The following PPP1R36 variants were observed in gnomAD, a reference collection of about 807,000 sequenced individuals.
The protein encoded by PPP1R36 is protein phosphatase 1 regulatory subunit 36, also known as chromosome 14 open reading frame 50.
A neutral mutation model predicts 53.4 loss-of-function variants in PPP1R36; 47 were observed. The observed-to-expected ratio is 0.88, with a 90% CI of 0.70 to 1.12. The LOEUF is 1.12. Ranked by LOEUF, PPP1R36 falls within the 50% of genes most tolerant of loss-of-function variation. The probability of loss-of-function intolerance (pLI) is 0.00; values close to 1 mark genes in which losing one functional copy is unlikely to be tolerated. For missense variants in PPP1R36, 456 were observed against 513.9 expected (o/e 0.89, Z 1.09); for synonymous variants, 153 against 170.5 (o/e 0.90, Z 0.80).
chr14:64,587,029 T>C, intron 9 of PPP1R36, 150 bp downstream of exon 9: 1 of 805,198 alleles, frequency 1.2e-6, no homozygotes, highest in South Asian at 1.8e-5. Flanking sequence ...GTTGGTCTGA[T>C]TTTCCTCATG....
At chr14:64,553,665 T>A (rs998932182) in intron 3 of PPP1R36, among the ~76,000 whole-genome samples, 2 of 151,986 alleles carry the variant, frequency 1.3e-5, no homozygotes, top group Non-Finnish European at 2.9e-5. Flanking sequence ...GGTTATCAAC[T>A]GGTAGCAGTG....
At chr14:64,588,747 A>G (rs1264543532) in intron 11 of PPP1R36, among the ~76,000 whole-genome samples, 1 of 151,674 alleles carries the variant, frequency 6.6e-6, no homozygotes, top group Non-Finnish European at 1.5e-5. Context: ...TTTAGTAGAG[A>G]TGGGGTTTCT....
intron 3 of PPP1R36, among the ~76,000 whole-genome samples, chr14:64,557,585 T>C (rs2080166429): frequency 6.6e-6 from 1 of 152,228 alleles, no homozygotes; most frequent in African/African-American, 2.4e-5. Flanking sequence ...AATCAGTCTT[T>C]AAAATAAGGT....
intron 8 of PPP1R36, among the ~76,000 whole-genome samples, chr14:64,575,484 T>TA (rs147560312): frequency 0.054 from 8,173 of 152,312 alleles, 297 homozygotes; most frequent in Non-Finnish European, 0.083. Context: ...TACATTTGCA[T>TA]AATTTTAGTT....
chr14:64,585,910 T>C (rs1005869999), intron 8 of PPP1R36, among the ~76,000 whole-genome samples: 1 of 152,136 alleles, frequency 6.6e-6, no homozygotes, highest in African/African-American at 2.4e-5. Flanking sequence ...GGAGGCCATG[T>C]TCACTAATTG....
intron 3 of PPP1R36, among the ~76,000 whole-genome samples, chr14:64,554,343 G>T (rs2080128235): frequency 6.6e-6 from 1 of 151,738 alleles, no homozygotes; most frequent in Non-Finnish European, 1.5e-5. Flanking sequence ...TAGAGACAGG[G>T]TTTCTCCATG....
intron 1 of PPP1R36, chr14:64,550,358 C>CG: frequency 9.6e-7 from 1 of 1,043,028 alleles, no homozygotes; most frequent in Non-Finnish European, 1.2e-6. Flanking sequence ...AGACCTACTG[C>CG]GGGGGAAGCA....
chr14:64,588,377 A>T (rs554514560), intron 11 of PPP1R36, 82 bp downstream of exon 11: 36 of 1,251,210 alleles, frequency 2.9e-5, no homozygotes, highest in Non-Finnish European at 3.9e-5. Flanking sequence ...CCCAGGCACC[A>T]TGCCTCTGCC....
intron 8 of PPP1R36, among the ~76,000 whole-genome samples, chr14:64,581,986 G>A (rs1051482463): frequency 4.6e-5 from 7 of 152,114 alleles, no homozygotes; most frequent in Admixed American, 3.9e-4. Flanking sequence ...CTCCACCCCC[G>A]CCTCTACGCT....
intron 8 of PPP1R36, among the ~76,000 whole-genome samples, chr14:64,577,818 C>T (rs983929555): frequency 2.7e-4 from 38 of 139,682 alleles, no homozygotes; most frequent in Non-Finnish European, 1.7e-4. Context: ...CTCTGCCTTC[C>T]GGGTTCACGC....
chr14:64,564,738 A>AT lies in PPP1R36; in HGVS notation c.183-8dup. 1.9e-6 allele frequency: 3 copies of AT among 1,592,712 alleles called. No individual in the cohort carries two copies. The highest frequency in any genetic ancestry group is 2.6e-6 in the Non-Finnish European group (3 of 1,167,610). Reference sequence around the variant, plus strand: ...AAAAGGTGAAGTCCCTAATTATCTCATTTTTATTGCAGTTTTACACCTGCA... The same window carrying AT: ...AAAAGGTGAAGTCCCTAATTATCTCATTTTTTATTGCAGTTTTACACCTGCA... On this transcript the variant is annotated splice_polypyrimidine_tract_variant and intron_variant, in intron 3 of 11. Transcript: ENST00000298705.
chr14:64,588,557 T>A, intron 11 of PPP1R36: 1 of 204,508 alleles, frequency 4.9e-6, no homozygotes, highest in Non-Finnish European at 9.2e-6. Flanking sequence ...AGTAACTGAT[T>A]TTTTTTTTTT....
intron 8 of PPP1R36, among the ~76,000 whole-genome samples, chr14:64,583,244 A>C (rs1391843910): frequency 6.6e-6 from 1 of 151,628 alleles, no homozygotes; most frequent in East Asian, 1.9e-4. Flanking sequence ...ATAAATTTTT[A>C]AATTTATAAT....
At chr14:64,586,225 G>C (rs577189745) in intron 8 of PPP1R36, 3 of 152,204 alleles carry the variant, frequency 2.0e-5, no homozygotes, top group African/African-American at 7.2e-5. Flanking sequence ...CACGCACCTC[G>C]GCCTCCCAAA....
At chr14:64,586,702 T>G in intron 8 of PPP1R36, 135 bp from the exon 9 acceptor site, 1 of 592,012 alleles carries the variant, frequency 1.7e-6, no homozygotes, top group Non-Finnish European at 3.0e-6. Context: ...ATCAATGCCT[T>G]TTGATAGCAT....
chr14:64,571,107 G>A (rs935151449), intron 7 of PPP1R36, among the ~76,000 whole-genome samples: 7 of 134,256 alleles, frequency 5.2e-5, no homozygotes, highest in African/African-American at 1.8e-4. Context: ...AATTATGTAT[G>A]TACTGTTTGT....
At chr14:64,559,562 A>G (rs185595938) in intron 3 of PPP1R36, 1 of 152,498 alleles carries the variant, frequency 6.6e-6, no homozygotes, top group East Asian at 1.9e-4. Context: ...GTAAAAGGCC[A>G]TTTGATTTGG....
chr14:64,580,157 T>C (rs11628524), intron 8 of PPP1R36, among the ~76,000 whole-genome samples: 8,166 of 151,962 alleles, frequency 0.054, 300 homozygotes, highest in Non-Finnish European at 0.083. Context: ...AAGAATTAGC[T>C]GGGCATGGTG....
At chr14:64,589,067 T>TACACACAACCAC in intron 11 of PPP1R36, 85 bp from the exon 12 acceptor site, 2 of 993,378 alleles carry the variant, frequency 2.0e-6, no homozygotes, top group Non-Finnish European at 3.1e-6. Flanking sequence ...CACACATACA[T>TACACACAACCAC]ACACACAACC....
Sources: gnomAD v4.1 joint callset for allele counts (sites outside exome capture counted in the v4.1 genomes callset) on GRCh38, gnomAD v4.1.1 for gene constraint, MANE v1.5 for transcripts, NCBI Gene and HGNC (gene_info 2026-07-23, HGNC 2026-07-21) for gene names.